The following AARSD1 variants were observed in gnomAD, a reference collection of about 807,000 sequenced individuals.
The protein encoded by AARSD1 is alanyl-tRNA synthetase domain containing 1.
Under a neutral mutation model 48.7 loss-of-function variants are expected in AARSD1, and 44 were observed. The observed-to-expected ratio is 0.90, with a 90% CI of 0.71 to 1.16. AARSD1 has a LOEUF of 1.16. Among genes scored for constraint, AARSD1 ranks in the 50% most tolerant of loss-of-function variants. AARSD1 has a pLI of 0.00. For missense variants in AARSD1, 511 were observed against 523.1 expected, an observed-to-expected ratio of 0.98 and a Z score of 0.23; for synonymous variants, 189 against 194.9, an observed-to-expected ratio of 0.97 and a Z score of 0.25.
chr17:42,954,361 A>C (rs1209599577), intron 9 of AARSD1, among the ~76,000 whole-genome samples: 1 of 152,154 alleles, frequency 6.6e-6, no homozygotes, highest in African/African-American at 2.4e-5. Context: ...AAAAACACAA[A>C]AAACAAAAGA....
At chr17:42,962,220 A>G in intron 2 of AARSD1, 1 of 308,930 alleles carries the variant, frequency 3.2e-6, no homozygotes. Context: ...GAATTGCTTG[A>G]ACCTGGCAGA....
intron 7 of AARSD1, 49 bp downstream of exon 7, chr17:42,955,793 C>T (rs181380664): frequency 1.6e-5 from 26 of 1,610,720 alleles, no homozygotes; most frequent in African/African-American, 1.1e-4. Context: ...GAGATTATGT[C>T]GAAAATCTCA....
intron 1 of AARSD1, 34 bp downstream of exon 1, chr17:42,964,368 C>T (rs1443856945): frequency 1.9e-5 from 29 of 1,561,656 alleles, no homozygotes; most frequent in Non-Finnish European, 2.4e-5. Context: ...CTTGCCGGCC[C>T]GGCAGTCTCA....
chr17:42,952,022 G>A, intron 10 of AARSD1, 128 bp from the exon 11 acceptor site: 1 of 1,085,820 alleles, frequency 9.2e-7, no homozygotes, highest in South Asian at 1.5e-5. Context: ...CGCTCCTGAT[G>A]AATGATGATA....
chr17:42,963,138 G>T (rs1424112495), intron 2 of AARSD1, among the ~76,000 whole-genome samples: 1 of 151,318 alleles, frequency 6.6e-6, no homozygotes, highest in Non-Finnish European at 1.5e-5. Flanking sequence ...CTGAAGTGCA[G>T]TGGCACAATC....
At chr17:42,958,566 G>A (rs2049589398) in intron 3 of AARSD1, among the ~76,000 whole-genome samples, 8 of 151,042 alleles carry the variant, frequency 5.3e-5, no homozygotes, top group Admixed American at 5.3e-4. Flanking sequence ...ATTTATTTTT[G>A]TATTTATTTA....
chr17:42,956,195 C>T lies in AARSD1; in HGVS notation c.663+9G>A, dbSNP rs558257000. 2 of 1,613,980 alleles carry T rather than the reference C, an allele frequency of 1.2e-6. No homozygotes were observed. Among genetic ancestry groups the T allele is most frequent in the Non-Finnish European group, 1.7e-6 (2 of 1,180,040 alleles). On this transcript the variant is annotated intron_variant, in intron 6 of 11. Coordinates refer to ENST00000427569, the MANE Select transcript of AARSD1 (RefSeq NM_001261434.2). ...CTTCTCAGCCACTCCACAGCCGTTCCTCACTTACCTGAAGGTCACTGAGAT... is the reference window on the plus strand; with the variant it reads ...CTTCTCAGCCACTCCACAGCCGTTCTTCACTTACCTGAAGGTCACTGAGAT...
At chr17:42,957,057 C>A in intron 4 of AARSD1, 81 bp downstream of exon 4, 1 of 1,573,500 alleles carries the variant, frequency 6.4e-7, no homozygotes, top group Non-Finnish European at 8.7e-7. Flanking sequence ...ATCTCCCCGG[C>A]TCAAGCAATT....
rs377691397 is a variant in AARSD1, at chr17:42,953,593, T to C, written c.1008+131A>G. ...CATATAGCTAGTACTAAGAAAACAG[T>C]ATTGAATGAATGGCTATTTCCTCCT... On this transcript the variant is annotated intron_variant, in intron 10 of 11. Coordinates refer to ENST00000427569, the MANE Select transcript of AARSD1 (RefSeq NM_001261434.2). 4.8e-5 allele frequency: 56 copies of C among 1,173,206 alleles called. No individual in the cohort carries two copies. The East Asian group carries it at 1.3e-3, about 26-fold the overall frequency. 72.7% of individuals were successfully genotyped at this position (1,173,206 alleles called of 1,614,324 possible). A position where few individuals can be genotyped will look rare whatever the true frequency, so the allele number is the denominator to read the frequency against.
chr17:42,955,383 C>A, intron 7 of AARSD1, 159 bp from the exon 8 acceptor site: 5 of 700,312 alleles, frequency 7.1e-6, no homozygotes, highest in Non-Finnish European at 1.1e-5. Context: ...AGAAAACATA[C>A]AAAGGAATTA....
intron 10 of AARSD1, chr17:42,952,115 G>A: frequency 1.9e-6 from 1 of 536,836 alleles, no homozygotes; most frequent in Non-Finnish European, 3.3e-6. Context: ...TAAGAAGGCA[G>A]CAGAAGACTG....
At chr17:42,952,402 A>C (rs1353636715) in intron 10 of AARSD1, among the ~76,000 whole-genome samples, 1 of 152,194 alleles carries the variant, frequency 6.6e-6, no homozygotes, top group Admixed American at 6.5e-5. Flanking sequence ...CCCAGACTAG[A>C]ATATGAGCTT....
Position 42,955,961 on chromosome 17 carries a change from A to C in AARSD1, c.675T>G (p.Ile225Met). 6.2e-7 allele frequency: 1 copy of C among 1,614,062 alleles called. No homozygotes were observed. Among genetic ancestry groups the C allele is most frequent in the Non-Finnish European group, 8.5e-7 (1 of 1,180,022 alleles). ...SNLSDLQVIK[I>M]LGTEKGKKNR... is the part of the protein sequence containing the mutation. Reference sequence around the variant, plus strand: ...TCTTTTTCCCCTTCTCAGTGCCCAGAATCTTAATGACCTACATGAGGCAAG... The same window carrying C: ...TCTTTTTCCCCTTCTCAGTGCCCAGCATCTTAATGACCTACATGAGGCAAG... The change falls in exon 7 of 12, where the codon ATT becomes ATG. Residue 225 changes from isoleucine to methionine, a missense_variant. By Grantham distance (10) the Ile-to-Met change is conservative. Transcript: ENST00000427569.
chr17:42,955,933 T>C lies in AARSD1; in HGVS notation c.703A>G (p.Arg235Gly). Residue 235 changes from arginine (R) to glycine (G), a missense_variant, in exon 7 of 12, where the codon AGA (arginine) becomes GGA (glycine). Coordinates refer to ENST00000427569, the MANE Select transcript of AARSD1 (RefSeq NM_001261434.2). ...ILGTEKGKKN[R>G]TNLIFLSGNR... ...CCAGACAGAAATATCAGGTTGGTTC[T>C]GTTCTTTTTCCCCTTCTCAGTGCCC... 6.2e-7 allele frequency: 1 copy of C among 1,614,192 alleles called. No homozygotes were observed. Among genetic ancestry groups the C allele is most frequent in the Non-Finnish European group, 8.5e-7 (1 of 1,180,034 alleles).
chr17:42,959,725 G>A (rs1335649583), intron 3 of AARSD1, among the ~76,000 whole-genome samples: 2 of 151,126 alleles, frequency 1.3e-5, no homozygotes, highest in East Asian at 2.0e-4. Context: ...GTGCAGTGGC[G>A]CGATCTCGGC....
chr17:42,951,994 C>T, intron 10 of AARSD1, 100 bp from the exon 11 acceptor site: 1 of 1,313,136 alleles, frequency 7.6e-7, no homozygotes, highest in Non-Finnish European at 1.1e-6. Context: ...GATTATTTCC[C>T]CCTAAACCAC....
At chr17:42,953,107 G>C (rs2049501251) in intron 10 of AARSD1, among the ~76,000 whole-genome samples, 1 of 152,012 alleles carries the variant, frequency 6.6e-6, no homozygotes, top group South Asian at 2.1e-4. Flanking sequence ...AGCCTCCCGA[G>C]TAGCTGGGAT....
chr17:42,962,424 T>C (rs183804072), intron 2 of AARSD1: 3 of 155,944 alleles, frequency 1.9e-5, no homozygotes, highest in African/African-American at 7.2e-5. Flanking sequence ...CTTAAGAGTC[T>C]AGAGAACAGA....
At position 42,951,900 on chromosome 17, in the gene AARSD1, AG is replaced by A. The variant is rs753071631; in HGVS notation, c.1009-7del. The A allele has an allele frequency of 4.2e-5, 67 of 1,613,446 alleles. No homozygotes were observed. In the South Asian group the frequency reaches 6.8e-4, roughly 16 times the overall value. On this transcript the variant is annotated splice_polypyrimidine_tract_variant and splice_region_variant and intron_variant, in intron 10 of 11. Coordinates refer to ENST00000427569, the MANE Select transcript of AARSD1 (RefSeq NM_001261434.2). ...GTTAAGAACAGGAGGGTCTCCTAGG[AG>A]GTAAGACAAGGAGATAAGCTCTGAT...
Sources: gnomAD v4.1 joint callset for allele counts (sites outside exome capture counted in the v4.1 genomes callset) on GRCh38, gnomAD v4.1.1 for gene constraint, MANE v1.5 for transcripts, NCBI Gene and HGNC (gene_info 2026-07-23, HGNC 2026-07-21) for gene names.